TLE1: variants seen among roughly 807,000 people sequenced by gnomAD.
The protein encoded by TLE1 is transducin-like enhancer protein 1.
In TLE1, 21 loss-of-function variants were observed where a neutral mutation model predicts 89.8. That is an observed-to-expected ratio of 0.23 (90% confidence interval 0.17 to 0.34). TLE1 has a LOEUF of 0.34. Among genes scored for constraint, TLE1 ranks in the 10% least tolerant of loss-of-function variants. TLE1 has a pLI of 1.00. For missense variants in TLE1, 795 were observed against 1,031.2 expected, an observed-to-expected ratio of 0.77 and a Z score of 3.14; for synonymous variants, 447 against 407.6, an observed-to-expected ratio of 1.10 and a Z score of -1.16.
intron 6 of TLE1, among the ~76,000 whole-genome samples, chr9:81,638,693 T>C (rs1827716482): frequency 1.3e-5 from 2 of 151,936 alleles, no homozygotes; most frequent in African/African-American, 2.4e-5. Flanking sequence ...GGCGCAATCT[T>C]GGCTCACTAC....
chr9:81,681,258 C>CT (rs1340103564), intron 4 of TLE1, among the ~76,000 whole-genome samples: 4 of 152,112 alleles, frequency 2.6e-5, no homozygotes, highest in Non-Finnish European at 4.4e-5. Context: ...TTTTTAAATG[C>CT]TTCACCATCG....
chr9:81,584,134 T>C lies in TLE1; in HGVS notation c.*64A>G. The C allele has an allele frequency of 7.0e-7, 1 of 1,426,260 alleles. No homozygotes were observed. The highest frequency in any genetic ancestry group is 9.9e-7 in the Non-Finnish European group (1 of 1,015,170). The allele number at this position is 1,426,260 out of a possible 1,614,324, so 88.4% of individuals were successfully genotyped here. A position where few individuals can be genotyped will look rare whatever the true frequency, so the allele number is the denominator to read the frequency against. Reference sequence around the variant, plus strand: ...TTCTCTTTTAAAGTTACAACTTTTCTATTTCTATAAATTCGAAACATTTTG... The same window carrying C: ...TTCTCTTTTAAAGTTACAACTTTTCCATTTCTATAAATTCGAAACATTTTG... On this transcript the variant is annotated 3_prime_UTR_variant, in exon 20 of 20. Coordinates refer to ENST00000376499, the MANE Select transcript of TLE1 (RefSeq NM_005077.5).
At chr9:81,653,760 A>G (rs561052623) in intron 5 of TLE1, among the ~76,000 whole-genome samples, 1 of 152,208 alleles carries the variant, frequency 6.6e-6, no homozygotes, top group Non-Finnish European at 1.5e-5. Flanking sequence ...TTTCCACAGG[A>G]AAAAAAATTA....
chr9:81,593,470 C>T (rs953207424), intron 14 of TLE1, among the ~76,000 whole-genome samples, 196 bp from the exon 15 acceptor site: 5 of 152,086 alleles, frequency 3.3e-5, no homozygotes, highest in Non-Finnish European at 5.9e-5. Context: ...AGAAATCTAG[C>T]GTGTACCAAA....
intron 4 of TLE1, among the ~76,000 whole-genome samples, chr9:81,678,334 A>C (rs754868608): frequency 6.0e-4 from 92 of 152,108 alleles, no homozygotes; most frequent in Non-Finnish European, 1.1e-3. Context: ...CTCACTCAGC[A>C]CTAGTACTAG....
chr9:81,624,817 C>T (rs1825713044), intron 8 of TLE1, among the ~76,000 whole-genome samples: 1 of 152,138 alleles, frequency 6.6e-6, no homozygotes, highest in African/African-American at 2.4e-5. Flanking sequence ...TTATTTACAT[C>T]TCCTACAGAA....
intron 4 of TLE1, among the ~76,000 whole-genome samples, chr9:81,660,159 T>C (rs1830588365): frequency 6.6e-6 from 1 of 152,092 alleles, no homozygotes; most frequent in African/African-American, 2.4e-5. Context: ...TCCTACTAAA[T>C]ACTGTGACAC....
intron 6 of TLE1, 79 bp from the exon 7 acceptor site, chr9:81,634,380 T>A: frequency 8.1e-7 from 1 of 1,242,012 alleles, no homozygotes; most frequent in Non-Finnish European, 1.1e-6. Flanking sequence ...GGAGGCGGCA[T>A]CCAGGGGAAA....
At chr9:81,630,657 C>T (rs1826468888) in intron 8 of TLE1, among the ~76,000 whole-genome samples, 1 of 152,200 alleles carries the variant, frequency 6.6e-6, no homozygotes, top group South Asian at 2.1e-4. Context: ...AGCAACCACC[C>T]TTAACCTTTC....
rs1181521639 is a variant in TLE1, at chr9:81,689,532, T to TA, written c.-1293_-1292insT. Among the ~76,000 whole-genome samples, 1 of 152,082 alleles carries TA rather than the reference T, an allele frequency of 6.6e-6. No individual in the cohort carries two copies. Among genetic ancestry groups the TA allele is most frequent in the South Asian group, 2.1e-4 (1 of 4,832 alleles). On this transcript the variant is annotated 5_prime_UTR_variant, in exon 1 of 20. Coordinates refer to ENST00000376499, the MANE Select transcript of TLE1 (RefSeq NM_005077.5). The stretch of plus-strand genomic sequence containing the variant: ...CCACCGCCGCCGCCGCCCGCGCCTC[T>TA]CGCGCCGCTTACATTAACACGCGGT...
At position 81,660,661 on chromosome 9, in the gene TLE1, C is replaced by T. The variant is rs974128967; in HGVS notation, c.235-6625G>A. Among the ~76,000 whole-genome samples the T allele has an allele frequency of 4.6e-5, 7 of 151,248 alleles. No individual in the cohort carries two copies. In the South Asian group the frequency reaches 1.5e-3, roughly 32 times the overall value. On this transcript the variant is annotated intron_variant, in intron 4 of 19. Coordinates refer to ENST00000376499, the MANE Select transcript of TLE1 (RefSeq NM_005077.5). ...TCCAACTCCTGACCTCGTGATTCGCCGGTCTCAGCCTCCCAAAGTGCTGGG... is the reference window on the plus strand; with the variant it reads ...TCCAACTCCTGACCTCGTGATTCGCTGGTCTCAGCCTCCCAAAGTGCTGGG...
rs1002782277 is a variant in TLE1, at chr9:81,677,928, T to C, written c.234+7748A>G. 2.0e-5 allele frequency among the ~76,000 whole-genome samples: 3 copies of C among 152,198 alleles called. No homozygotes were observed. In the East Asian group the frequency reaches 5.8e-4, roughly 29 times the overall value. On this transcript the variant is annotated intron_variant, in intron 4 of 19. Transcript: ENST00000376499. Reference sequence around the variant, plus strand: ...TCTAGCATACTTAATTTTTTCTCTATTTGGAAGATGAAAAAGTTAATTCAA... The same window carrying C: ...TCTAGCATACTTAATTTTTTCTCTACTTGGAAGATGAAAAAGTTAATTCAA...
At chr9:81,630,428 T>C (rs1826430855) in intron 8 of TLE1, among the ~76,000 whole-genome samples, 4 of 152,264 alleles carry the variant, frequency 2.6e-5, no homozygotes, top group African/African-American at 9.6e-5. Flanking sequence ...TCATTAATAA[T>C]GTTATTTGTA....
chr9:81,663,392 G>A (rs1831063174), intron 4 of TLE1, among the ~76,000 whole-genome samples: 1 of 152,128 alleles, frequency 6.6e-6, no homozygotes, highest in Non-Finnish European at 1.5e-5. Flanking sequence ...CCAGAAAGCA[G>A]AAGTTGAGAA....
intron 4 of TLE1, among the ~76,000 whole-genome samples, chr9:81,666,505 G>C (rs751617130): frequency 6.6e-6 from 1 of 151,994 alleles, no homozygotes; most frequent in Non-Finnish European, 1.5e-5. Flanking sequence ...AGCCAGGCGC[G>C]GTGGCTCACA....
intron 12 of TLE1, 107 bp downstream of exon 12, chr9:81,613,270 C>T (rs1481923979): frequency 2.7e-6 from 4 of 1,467,940 alleles, no homozygotes; most frequent in African/African-American, 2.8e-5. Context: ...GGTGGCCCTA[C>T]GTACATTTCA....
At chr9:81,674,123 CAGAG>C (rs1832594689) in intron 4 of TLE1, among the ~76,000 whole-genome samples, 1 of 152,200 alleles carries the variant, frequency 6.6e-6, no homozygotes. Flanking sequence ...TGTTCCCACA[CAGAG>C]AAAGAACAGC....
chr9:81,686,833 T>C (rs892644855), intron 2 of TLE1, among the ~76,000 whole-genome samples: 4 of 152,204 alleles, frequency 2.6e-5, no homozygotes, highest in African/African-American at 9.6e-5. Context: ...CTTTCTTCTT[T>C]ATACTATTAT....
chr9:81,676,571 T>C (rs1832930718), intron 4 of TLE1, among the ~76,000 whole-genome samples: 1 of 151,920 alleles, frequency 6.6e-6, no homozygotes, highest in Non-Finnish European at 1.5e-5. Flanking sequence ...TAAAAGGAAA[T>C]GCAGGAAGAG....
Sources: gnomAD v4.1 joint callset for allele counts (sites outside exome capture counted in the v4.1 genomes callset) on GRCh38, gnomAD v4.1.1 for gene constraint, MANE v1.5 for transcripts, NCBI Gene and HGNC (gene_info 2026-07-23, HGNC 2026-07-21) for gene names.